Variants in ABCD3 observed in about 807,000 individuals in gnomAD.
ABCD3 encodes ATP binding cassette subfamily D member 3.
Under a neutral mutation model 105.5 loss-of-function variants are expected in ABCD3, and 41 were observed. That is an observed-to-expected ratio of 0.39 (90% CI 0.30 to 0.50). The LOEUF (loss-of-function observed/expected upper bound fraction) is 0.50, where lower values mean the gene tolerates loss of function less well. Among genes scored for constraint, ABCD3 ranks in the 20% least tolerant of loss-of-function variants. ABCD3 has a pLI of 0.84. For synonymous variants in ABCD3, 258 were observed against 269.0 expected, an observed-to-expected ratio of 0.96 and a Z score of 0.40; for missense variants, 622 against 806.3, an observed-to-expected ratio of 0.77 and a Z score of 2.77.
chr1:94,439,294 C>A (rs1557663263), intron 1 of ABCD3, among the ~76,000 whole-genome samples: 1 of 151,962 alleles, frequency 6.6e-6, no homozygotes, highest in Non-Finnish European at 1.5e-5. Flanking sequence ...TTTGCTTTTC[C>A]CTTTTAAATG....
At chr1:94,481,247 A>C (rs2101007498) in intron 9 of ABCD3, among the ~76,000 whole-genome samples, 2 of 152,336 alleles carry the variant, frequency 1.3e-5, no homozygotes, top group South Asian at 4.1e-4. Context: ...CTGCTCAATA[A>C]ATGTTCTCAT....
chr1:94,511,066 C>A (rs905809928), intron 21 of ABCD3, among the ~76,000 whole-genome samples: 2 of 151,742 alleles, frequency 1.3e-5, no homozygotes, highest in African/African-American at 4.8e-5. Flanking sequence ...CTCGTTAGTT[C>A]ATGCAGTTTC....
chr1:94,405,234 T>A, the ABCD3 span, among the ~76,000 whole-genome samples: 2 of 152,132 alleles, frequency 1.3e-5, no homozygotes, highest in Non-Finnish European at 2.9e-5. Context: ...TTCCCCTCAA[T>A]TGCTTTTCAT....
At chr1:94,419,520 A>G (rs1659174525) in intron 1 of ABCD3, among the ~76,000 whole-genome samples, 2 of 152,188 alleles carry the variant, frequency 1.3e-5, no homozygotes, top group African/African-American at 4.8e-5. Context: ...AGAAAAGGCT[A>G]CTTCCCAAGC....
At chr1:94,419,724 TC>T (rs1230707436) in intron 1 of ABCD3, among the ~76,000 whole-genome samples, 2 of 152,208 alleles carry the variant, frequency 1.3e-5, no homozygotes, top group African/African-American at 4.8e-5. Flanking sequence ...TTAAGTTCTT[TC>T]TAGCCGCCTT....
intron 4 of ABCD3, among the ~76,000 whole-genome samples, chr1:94,471,223 C>T (rs1341628280): frequency 1.3e-5 from 2 of 151,910 alleles, no homozygotes; most frequent in Non-Finnish European, 1.5e-5. Context: ...TTTTTTAAAA[C>T]CATTATTTTG....
At position 94,507,676 on chromosome 1, in the gene ABCD3, T is replaced by G. The variant is rs1175703925; in HGVS notation, c.1845+1034T>G. Among the ~76,000 whole-genome samples the G allele has an allele frequency of 2.0e-5, 3 of 152,198 alleles. No homozygotes were observed. The East Asian group carries it at 5.8e-4, about 29-fold the overall frequency. On this transcript the variant is annotated intron_variant, in intron 21 of 22. Coordinates refer to ENST00000370214, the MANE Select transcript of ABCD3 (RefSeq NM_002858.4). ...TGTTGTTTCCTGACTTTTTAATGAT[T>G]GCCATTCTAACTGGTGTGAGATGTT...
In ABCD3 at chr1:94,475,749, T is replaced by A. The variant is rs376325031; in HGVS notation, c.627+12T>A. 2.6e-5 allele frequency: 41 copies of A among 1,591,272 alleles called. No individual in the cohort carries two copies. The highest frequency in any genetic ancestry group is 3.4e-5 in the Non-Finnish European group (40 of 1,161,144). ...CAAATCTTAGTAAGGTAAGTTTCTCTCCTTTTTAAAAGATTATTTGTTTAA... is the reference window on the plus strand; with the variant it reads ...CAAATCTTAGTAAGGTAAGTTTCTCACCTTTTTAAAAGATTATTTGTTTAA... On this transcript the variant is annotated intron_variant, in intron 7 of 22. Coordinates refer to ENST00000370214, the MANE Select transcript of ABCD3 (RefSeq NM_002858.4).
intron 3 of ABCD3, among the ~76,000 whole-genome samples, chr1:94,467,463 A>C (rs1474652972): frequency 1.3e-5 from 2 of 152,246 alleles, no homozygotes; most frequent in Non-Finnish European, 2.9e-5. Flanking sequence ...TAACAAATTA[A>C]ACCAAATTTA....
chr1:94,453,064 C>T (rs113547680), intron 1 of ABCD3, among the ~76,000 whole-genome samples: 10 of 152,184 alleles, frequency 6.6e-5, no homozygotes, highest in African/African-American at 1.9e-4. Context: ...GGTGTGAGCC[C>T]GCCCAAGTTT....
chr1:94,478,208 C>T (rs781275329), intron 7 of ABCD3, 51 bp from the exon 8 acceptor site: 2 of 1,098,176 alleles, frequency 1.8e-6, no homozygotes, highest in African/African-American at 3.1e-5. Flanking sequence ...TATTAGCTAT[C>T]ATTCTAGTGC....
intron 1 of ABCD3, among the ~76,000 whole-genome samples, chr1:94,435,567 T>C (rs1659872237): frequency 6.6e-6 from 1 of 152,186 alleles, no homozygotes; most frequent in South Asian, 2.1e-4. Flanking sequence ...TTTTCTCTCT[T>C]TTTGTGATTT....
chr1:94,405,129 G>A, the ABCD3 span, among the ~76,000 whole-genome samples: 1 of 151,848 alleles, frequency 6.6e-6, no homozygotes, highest in African/African-American at 2.4e-5. Flanking sequence ...TGTATTTTTG[G>A]GTGTGTATCT....
At chr1:94,450,297 G>T (rs2100936952) in intron 1 of ABCD3, among the ~76,000 whole-genome samples, 1 of 152,280 alleles carries the variant, frequency 6.6e-6, no homozygotes, top group Admixed American at 6.5e-5. Flanking sequence ...AACAAATAAG[G>T]GGGACATGTT....
chr1:94,447,898 T>G (rs764707737), intron 1 of ABCD3, among the ~76,000 whole-genome samples: 25 of 152,368 alleles, frequency 1.6e-4, no homozygotes, highest in Middle Eastern at 3.4e-3. Flanking sequence ...CGACCTGCTC[T>G]AGGCATTCCT....
At chr1:94,506,939 G>A (rs1009313720) in intron 21 of ABCD3, among the ~76,000 whole-genome samples, 3 of 151,302 alleles carry the variant, frequency 2.0e-5, no homozygotes, top group African/African-American at 7.3e-5. Flanking sequence ...ATATATAAAT[G>A]AGTTACAAAA....
intron 1 of ABCD3, among the ~76,000 whole-genome samples, chr1:94,457,481 C>T (rs1476703116): frequency 6.6e-6 from 1 of 151,958 alleles, no homozygotes; most frequent in Admixed American, 6.6e-5. Context: ...ATGTATGACC[C>T]CTGTAGTAGA....
intron 1 of ABCD3, 126 bp from the exon 2 acceptor site, chr1:94,458,481 C>T: frequency 1.2e-6 from 1 of 820,922 alleles, no homozygotes; most frequent in Non-Finnish European, 2.0e-6. Context: ...TATGTTCTAT[C>T]TCACTATGAT....
chr1:94,468,130 T>C (rs763226827), intron 4 of ABCD3, 123 bp downstream of exon 4: 6 of 781,662 alleles, frequency 7.7e-6, no homozygotes, highest in East Asian at 2.7e-5. Flanking sequence ...AGTCAAATTA[T>C]GTGTTTGTTC....
Sources: gnomAD v4.1 joint callset for allele counts (sites outside exome capture counted in the v4.1 genomes callset) on GRCh38, gnomAD v4.1.1 for gene constraint, MANE v1.5 for transcripts, NCBI Gene and HGNC (gene_info 2026-07-23, HGNC 2026-07-21) for gene names.